Variants in ROBO2 observed in about 807,000 individuals in gnomAD.
ROBO2 encodes roundabout homolog 2.
In ROBO2, 53 loss-of-function variants were observed where a neutral mutation model predicts 160.8. The observed-to-expected ratio is 0.33, with a 90% CI of 0.26 to 0.41. The LOEUF is 0.41. ROBO2 is among the 10% of genes least tolerant of loss of function. The pLI is 1.00. For missense variants in ROBO2, 1,577 were observed against 1,722.4 expected, an observed-to-expected ratio of 0.92 and a Z score of 1.49; for synonymous variants, 664 against 611.7, an observed-to-expected ratio of 1.09 and a Z score of -1.26.
At chr3:76,979,510 G>A (rs9835516) in intron 2 of ROBO2, among the ~76,000 whole-genome samples, 1 of 151,752 alleles carries the variant, frequency 6.6e-6, no homozygotes, top group Non-Finnish European at 1.5e-5. Flanking sequence ...AATAATGGCC[G>A]CCAGTTCCAT....
intron 2 of ROBO2, among the ~76,000 whole-genome samples, chr3:77,286,476 G>A (rs540656856): frequency 6.6e-6 from 1 of 152,078 alleles, no homozygotes; most frequent in East Asian, 1.9e-4. Context: ...GGCTGGTCTC[G>A]AATTCCTGAC....
At chr3:76,796,359 C>A (rs969489897) in intron 2 of ROBO2, among the ~76,000 whole-genome samples, 1 of 140,720 alleles carries the variant, frequency 7.1e-6, no homozygotes, top group African/African-American at 2.6e-5. Context: ...AATATATATA[C>A]AAAAATATAA....
At chr3:77,092,335 T>C (rs971869165) in intron 1 of ROBO2, among the ~76,000 whole-genome samples, 1 of 151,768 alleles carries the variant, frequency 6.6e-6, no homozygotes, top group Non-Finnish European at 1.5e-5. Context: ...CTTTACTTGG[T>C]GCTCCATTCA....
chr3:76,108,630 A>G (rs1559557927), intron 2 of ROBO2, among the ~76,000 whole-genome samples: 4 of 151,774 alleles, frequency 2.6e-5, no homozygotes, highest in Non-Finnish European at 5.9e-5. Flanking sequence ...TCAATTCTTC[A>G]TAGTTAATGA....
chr3:76,949,514 A>T (rs1338218256), intron 2 of ROBO2, among the ~76,000 whole-genome samples: 1 of 151,854 alleles, frequency 6.6e-6, no homozygotes, highest in African/African-American at 2.4e-5. Context: ...CAAGTCCGAC[A>T]GCCTTCTCCC....
intron 2 of ROBO2, among the ~76,000 whole-genome samples, chr3:75,996,435 C>T (rs1306325120): frequency 6.6e-6 from 1 of 152,136 alleles, no homozygotes; most frequent in African/African-American, 2.4e-5. Flanking sequence ...TTCGTGTGGC[C>T]TCCCCAGCCA....
chr3:76,318,047 C>T (rs147292013), intron 2 of ROBO2, among the ~76,000 whole-genome samples: 5 of 151,682 alleles, frequency 3.3e-5, no homozygotes, highest in African/African-American at 1.2e-4. Context: ...ATGCTTGTTC[C>T]CTTGTGATTA....
At chr3:77,274,749 T>A (rs2059718163) in intron 2 of ROBO2, among the ~76,000 whole-genome samples, 1 of 152,086 alleles carries the variant, frequency 6.6e-6, no homozygotes, top group African/African-American at 2.4e-5. Context: ...CCGCCCTCTG[T>A]GAAGAGTTTA....
intron 2 of ROBO2, among the ~76,000 whole-genome samples, chr3:77,355,214 G>A (rs1270384478): frequency 1.3e-5 from 2 of 152,156 alleles, no homozygotes; most frequent in African/African-American, 4.8e-5. Flanking sequence ...ATACCTTTAT[G>A]ATCAACCCTT....
At chr3:75,927,818 T>G (rs1947347200) in intron 1 of ROBO2, among the ~76,000 whole-genome samples, 3 of 152,184 alleles carry the variant, frequency 2.0e-5, no homozygotes, top group Admixed American at 1.3e-4. Context: ...TTCTCCTCTT[T>G]CTACTTATAG....
chr3:76,841,787 AT>A (rs2068294584), intron 2 of ROBO2, among the ~76,000 whole-genome samples: 1 of 152,196 alleles, frequency 6.6e-6, no homozygotes, highest in Non-Finnish European at 1.5e-5. Context: ...AAATCTAAAA[AT>A]ATTCTCTTAA....
chr3:76,679,465 G>A (rs1240199215), intron 2 of ROBO2, among the ~76,000 whole-genome samples: 4 of 151,966 alleles, frequency 2.6e-5, no homozygotes, highest in South Asian at 2.1e-4. Context: ...GTAAGTTTAC[G>A]TATGTTTCTA....
At chr3:76,392,481 T>C (rs1204763863) in intron 2 of ROBO2, among the ~76,000 whole-genome samples, 2 of 152,186 alleles carry the variant, frequency 1.3e-5, no homozygotes, top group Admixed American at 6.5e-5. Flanking sequence ...ATATGCATGA[T>C]GCTTTCTTAA....
intron 1 of ROBO2, among the ~76,000 whole-genome samples, chr3:75,927,906 A>G (rs1169392593): frequency 1.3e-5 from 2 of 151,750 alleles, no homozygotes; most frequent in Non-Finnish European, 2.9e-5. Context: ...GAAGATATAG[A>G]CACACAGGTG....
intron 2 of ROBO2, among the ~76,000 whole-genome samples, chr3:76,660,634 A>G (rs1425793536): frequency 6.6e-6 from 1 of 152,200 alleles, no homozygotes; most frequent in Non-Finnish European, 1.5e-5. Flanking sequence ...TCAATAAATC[A>G]TCTTTATTTA....
At chr3:76,959,697 T>TCCTA in intron 2 of ROBO2, among the ~76,000 whole-genome samples, 1 of 152,314 alleles carries the variant, frequency 6.6e-6, no homozygotes, top group South Asian at 2.1e-4. Context: ...GTTACTCATA[T>TCCTA]CCTAGATTTA....
intron 2 of ROBO2, among the ~76,000 whole-genome samples, chr3:76,055,163 TATTC>T (rs959722687): frequency 1.3e-5 from 2 of 152,232 alleles, no homozygotes; most frequent in African/African-American, 2.4e-5. Flanking sequence ...TCATGAGACT[TATTC>T]AATATCACAA....
chr3:77,527,376 C>A, intron 6 of ROBO2, 27 bp from the exon 7 acceptor site: 3 of 1,284,580 alleles, frequency 2.3e-6, no homozygotes, highest in Non-Finnish European at 3.0e-6. Flanking sequence ...TTTTTATGTT[C>A]TCACCACACC....
chr3:76,542,718 T>C (rs1324651126), intron 2 of ROBO2, among the ~76,000 whole-genome samples: 4 of 152,118 alleles, frequency 2.6e-5, no homozygotes, highest in Non-Finnish European at 5.9e-5. Context: ...TTGAAAGGAA[T>C]AATCCACACT....
Sources: allele counts gnomAD v4.1 joint callset (sites outside exome capture counted in the v4.1 genomes callset), GRCh38; gene constraint gnomAD v4.1.1; transcripts MANE v1.5; gene names NCBI Gene and HGNC (gene_info 2026-07-23, HGNC 2026-07-21).